LPIN1: variants seen among roughly 807,000 people sequenced by gnomAD.
LPIN1 encodes the protein phosphatidate phosphatase LPIN1.
Under a neutral mutation model 107.5 loss-of-function variants are expected in LPIN1, and 71 were observed. The ratio of observed to expected loss-of-function variants is 0.66; its 90% CI spans 0.55 to 0.80. The LOEUF is 0.80. Among genes scored for constraint, LPIN1 ranks in the 30% least tolerant of loss-of-function variants. LPIN1 has a pLI of 0.00. For missense variants in LPIN1, 1,043 were observed against 1,160.6 expected (o/e 0.90, Z 1.47); for synonymous variants, 445 against 452.6 (o/e 0.98, Z 0.21).
intron 12 of LPIN1, among the ~76,000 whole-genome samples, chr2:11,790,911 A>G (rs1030993008): frequency 2.0e-5 from 3 of 152,230 alleles, no homozygotes; most frequent in East Asian, 1.9e-4. Flanking sequence ...TCAAATGAAC[A>G]TTAGAATCAG....
intron 1 of LPIN1, among the ~76,000 whole-genome samples, chr2:11,736,042 A>T (rs1219980097): frequency 6.6e-6 from 1 of 152,158 alleles, no homozygotes; most frequent in Non-Finnish European, 1.5e-5. Context: ...GAAACTGATC[A>T]CTCAGCTGAC....
At chr2:11,708,834 T>C (rs1663260119) in intron 1 of LPIN1, among the ~76,000 whole-genome samples, 1 of 152,178 alleles carries the variant, frequency 6.6e-6, no homozygotes, top group Non-Finnish European at 1.5e-5. Context: ...ATGTTGGTGA[T>C]GATGATGACA....
At chr2:11,759,791 G>C (rs1490390075) in intron 1 of LPIN1, among the ~76,000 whole-genome samples, 2 of 76,380 alleles carry the variant, frequency 2.6e-5, no homozygotes, top group Admixed American at 1.4e-4. Context: ...CCTCCCGGAC[G>C]GGGCGGCTGG....
In LPIN1 at chr2:11,715,430, C is replaced by T. The variant is rs117642751; in HGVS notation, c.138+1618C>T. 3.3e-3 allele frequency among the ~76,000 whole-genome samples: 504 copies of T among 152,310 alleles called. 8 individuals carry two copies. The East Asian group carries it at 0.059, about 18-fold the overall frequency. On this transcript the variant is annotated intron_variant, in intron 2 of 21. Transcript: ENST00000449576. ...GCTTCAAAGGTGAAATTACAGAAAG[C>T]GTCCGCCATCCATGGTAGGGGTGTT...
At position 11,812,939 on chromosome 2, in the gene LPIN1, G is replaced by C. The variant is rs145910379; in HGVS notation, c.2250-2149G>C. 6.6e-3 allele frequency among the ~76,000 whole-genome samples: 998 copies of C among 152,330 alleles called. 6 individuals carry two copies. The highest frequency in any genetic ancestry group is 0.01 in the Non-Finnish European group (704 of 68,030). On this transcript the variant is annotated intron_variant, in intron 17 of 20. Coordinates refer to ENST00000674199, the MANE Select transcript of LPIN1 (RefSeq NM_001349206.2). ...GAGGGTGGAGCAGAGGGGACCTGCTGATTGTGTGGCGTGGGGGCTGGGGGT... is the reference window on the plus strand; with the variant it reads ...GAGGGTGGAGCAGAGGGGACCTGCTCATTGTGTGGCGTGGGGGCTGGGGGT...
At chr2:11,790,509 C>T (rs1675535826) in intron 12 of LPIN1, among the ~76,000 whole-genome samples, 1 of 152,192 alleles carries the variant, frequency 6.6e-6, no homozygotes, top group South Asian at 2.1e-4. Flanking sequence ...CGGCTTCGAC[C>T]ATTGAGGTGC....
rs1171247173 is a variant in LPIN1 at position 11,774,965 on chromosome 2, T to TAAAAAAAAA, written c.723-1113_723-1105dup. ...TTCCAGTAGCCCTATTTTTAAAAAG[T>TAAAAAAAAA]AAAAAAAAAAAAAAAAGATGAAATT... On this transcript the variant is annotated intron_variant, in intron 5 of 20. Coordinates refer to ENST00000674199, the MANE Select transcript of LPIN1 (RefSeq NM_001349206.2). The surrounding 1 kb of genome is among the most constrained non-coding windows in gnomAD (Gnocchi z 4.4). Among the ~76,000 whole-genome samples the TAAAAAAAAA allele has an allele frequency of 8.3e-6, 1 of 119,926 alleles. No individual in the cohort carries two copies. The highest frequency in any genetic ancestry group is 1.8e-5 in the Non-Finnish European group (1 of 54,240). 78.7% of individuals were successfully genotyped at this position (119,926 alleles called of 152,430 possible). A position where few individuals can be genotyped will look rare whatever the true frequency, so the allele number is the denominator to read the frequency against.
chr2:11,776,169 C>CTT lies in LPIN1; in HGVS notation c.807_808dup (p.Ser270PhefsTer58), dbSNP rs1672655173. On this transcript the variant is annotated frameshift_variant, in exon 6 of 21. Coordinates refer to ENST00000674199, the MANE Select transcript of LPIN1 (RefSeq NM_001349206.2). LOFTEE classifies it high-confidence loss of function. The stretch of plus-strand genomic sequence containing the variant: ...CTGTCTAGTTCTTGCCCTCCACAGT[C>CTT]TTCCCTGTTCCATCCTTCGGAAAGG... 1.3e-6 allele frequency: 2 copies of CTT among 1,543,322 alleles called. No homozygotes were observed. Among genetic ancestry groups the CTT allele is most frequent in the Non-Finnish European group, 1.8e-6 (2 of 1,141,874 alleles).
intron 1 of LPIN1, among the ~76,000 whole-genome samples, chr2:11,760,574 G>A (rs1041761368): frequency 3.9e-5 from 6 of 152,298 alleles, no homozygotes; most frequent in South Asian, 2.1e-4. Flanking sequence ...GCAGGCACTC[G>A]GCAGGTTGAG....
intron 20 of LPIN1, among the ~76,000 whole-genome samples, chr2:11,822,895 G>A (rs1031024272): frequency 1.4e-4 from 21 of 152,256 alleles, no homozygotes; most frequent in African/African-American, 4.8e-4. Flanking sequence ...TGCACACCTC[G>A]CCCATGGCTT....
chr2:11,753,847 T>C (rs1304712439), intron 1 of LPIN1, among the ~76,000 whole-genome samples: 1 of 152,248 alleles, frequency 6.6e-6, no homozygotes, highest in East Asian at 1.9e-4. Flanking sequence ...TAGAAGCTTT[T>C]TGTGTTTTTA....
chr2:11,819,043 T>TACACAC (rs3037343), intron 18 of LPIN1: 29 of 156,288 alleles, frequency 1.9e-4, no homozygotes, highest in South Asian at 1.3e-3. Flanking sequence ...TATACACACA[T>TACACAC]ACACACACAC....
rs78334855 is a variant in LPIN1 at position 11,777,686 on chromosome 2, T to C, written c.830+1493T>C. Among the ~76,000 whole-genome samples, 551 of 152,326 alleles carry C rather than the reference T, an allele frequency of 3.6e-3. 1 individual carries two copies. The highest frequency in any genetic ancestry group is 6.8e-3 in the Middle Eastern group (2 of 294). ...CGTAAAACCCGTAAAGCCCGAGATA[T>C]CTGCCACTGGGCTCTTTACAGAAAA... On this transcript the variant is annotated intron_variant, in intron 6 of 20. Transcript: ENST00000674199.
intron 1 of LPIN1, among the ~76,000 whole-genome samples, chr2:11,725,213 A>G (rs953273468): frequency 2.6e-5 from 4 of 152,240 alleles, no homozygotes; most frequent in African/African-American, 9.6e-5. Flanking sequence ...TTGAGCTGAG[A>G]TTGTGCCACT....
intron 18 of LPIN1, chr2:11,818,363 T>G (rs973992994): frequency 9.8e-5 from 15 of 152,288 alleles, no homozygotes; most frequent in African/African-American, 3.6e-4. Context: ...TAAAGTTTTA[T>G]AATTTTAGCT....
Position 11,787,392 on chromosome 2 carries a change from C to CTTTTTTTTTTTTTTTT in LPIN1, c.1643+230_1643+231insTTTTTTTTTTTTTTTT, listed in dbSNP as rs1219054361. 6.2e-5 allele frequency among the ~76,000 whole-genome samples: 7 copies of CTTTTTTTTTTTTTTTT among 113,690 alleles called. 1 individual carries two copies. The highest frequency in any genetic ancestry group is 1.9e-4 in the African/African-American group (5 of 26,076). 74.6% of individuals were successfully genotyped at this position (113,690 alleles called of 152,430 possible). On this transcript the variant is annotated intron_variant, in intron 11 of 20. Coordinates refer to ENST00000674199, the MANE Select transcript of LPIN1 (RefSeq NM_001349206.2). ...AGTCTTGTGAGTTTTCTTTTCTTTT[C>CTTTTTTTTTTTTTTTT]TTTTTCTTTTTTTTTTTTTTTTTTT...
At chr2:11,678,818 C>T (rs547455248) in intron 1 of LPIN1, among the ~76,000 whole-genome samples, 65 of 152,294 alleles carry the variant, frequency 4.3e-4, no homozygotes, top group African/African-American at 1.4e-3. Context: ...CTGAATGGAC[C>T]GGAGGCCTGC....
At chr2:11,784,615 C>A in intron 9 of LPIN1, 1 of 528,870 alleles carries the variant, frequency 1.9e-6, no homozygotes, top group Non-Finnish European at 3.4e-6. Flanking sequence ...AGGGGAAGGG[C>A]AGGGAACAGG....
At chr2:11,813,532 C>CT (rs973173284) in intron 17 of LPIN1, among the ~76,000 whole-genome samples, 1 of 151,872 alleles carries the variant, frequency 6.6e-6, no homozygotes, top group Non-Finnish European at 1.5e-5. Context: ...CGCATACTTT[C>CT]TTTTTTTTAT....
Sources: allele counts gnomAD v4.1 joint callset (sites outside exome capture counted in the v4.1 genomes callset), GRCh38; gene constraint gnomAD v4.1.1; non-coding constraint Gnocchi (gnomAD v3.1); transcripts MANE v1.5; gene names NCBI Gene and HGNC (gene_info 2026-07-23, HGNC 2026-07-21).